DPY19L2: variants seen among roughly 807,000 people sequenced by gnomAD.
DPY19L2 encodes the protein probable C-mannosyltransferase DPY19L2.
DPY19L2 carries 34 observed loss-of-function variants against 97.9 expected under a neutral mutation model. The ratio of observed to expected loss-of-function variants is 0.35; its 90% CI spans 0.26 to 0.46. DPY19L2 has a LOEUF of 0.46. DPY19L2 is among the 20% of genes least tolerant of loss of function. The pLI is 1.00. For synonymous variants in DPY19L2, 230 were observed against 307.9 expected (o/e 0.75, Z 2.65); for missense variants, 623 against 911.4 (o/e 0.68, Z 4.07).
chr12:63,655,549 G>T (rs1269739444), intron 4 of DPY19L2, among the ~76,000 whole-genome samples: 1 of 152,112 alleles, frequency 6.6e-6, no homozygotes, highest in African/African-American at 2.4e-5. Context: ...GTGAAAGGGG[G>T]ACAGGAGGTT....
At chr12:63,624,235 G>C (rs560155512) in intron 7 of DPY19L2, 104 bp from the exon 8 acceptor site, 1 of 800,826 alleles carries the variant, frequency 1.2e-6, no homozygotes, top group East Asian at 2.7e-5. Context: ...AGGCTCACTA[G>C]ATCCCATTTC....
chr12:63,640,419 G>A (rs1388243512), intron 6 of DPY19L2, among the ~76,000 whole-genome samples: 3 of 152,158 alleles, frequency 2.0e-5, no homozygotes, highest in Non-Finnish European at 4.4e-5. Context: ...TTGATTGGAA[G>A]AAGGGGAAAG....
rs760662810 is a variant in DPY19L2, at chr12:63,663,784, G to A, written c.424C>T (p.Arg142Trp). 2.5e-6 allele frequency: 4 copies of A among 1,603,702 alleles called. No homozygotes were observed. In the Admixed American group the frequency reaches 5.2e-5, roughly 21 times the overall value. ...ATTTCAGTGCGAAAAGTCATCTCCC[G>A]TTCCAAAGATGAGAGGTGAGAGAAA... The part of the protein sequence containing the change: ...RHFSHLSSLE[R>W]EMTFRTEMGL... The change falls in exon 3 of 22, where the codon CGG (arginine) becomes TGG (tryptophan). Residue 142 changes from arginine (R) to tryptophan (W), a missense_variant. Transcript: ENST00000324472.
At chr12:63,634,643 A>C (rs369331822) in intron 6 of DPY19L2, among the ~76,000 whole-genome samples, 89 of 151,934 alleles carry the variant, frequency 5.9e-4, no homozygotes, top group East Asian at 1.4e-3. Context: ...CATCCCGCAC[A>C]TGGCTCAGAA....
chr12:63,654,037 A>T (rs1478559757), intron 4 of DPY19L2, among the ~76,000 whole-genome samples: 2 of 152,088 alleles, frequency 1.3e-5, no homozygotes, highest in African/African-American at 4.8e-5. Context: ...AAATGCAGCC[A>T]GCAGAACTTT....
intron 6 of DPY19L2, among the ~76,000 whole-genome samples, chr12:63,633,545 A>T (rs1891096723): frequency 6.6e-6 from 1 of 152,196 alleles, no homozygotes; most frequent in East Asian, 1.9e-4. Flanking sequence ...AATGGCGATC[A>T]TTAAAAAGTC....
chr12:63,656,879 T>C (rs1297613266), intron 4 of DPY19L2, among the ~76,000 whole-genome samples: 1 of 143,482 alleles, frequency 7.0e-6, no homozygotes, highest in African/African-American at 2.6e-5. Flanking sequence ...CTTTGATTCT[T>C]ATAGTGTCCA....
At chr12:63,651,549 T>TAAA in intron 4 of DPY19L2, 2 of 190,182 alleles carry the variant, frequency 1.1e-5, no homozygotes, top group South Asian at 1.0e-4. Context: ...AAATCGAAAG[T>TAAA]AAAAAAAAAC....
intron 4 of DPY19L2, among the ~76,000 whole-genome samples, chr12:63,649,444 G>A: frequency 6.6e-6 from 1 of 151,848 alleles, no homozygotes; most frequent in Non-Finnish European, 1.5e-5. Context: ...GACTAATAAA[G>A]AAAAAGAGAG....
intron 21 of DPY19L2, among the ~76,000 whole-genome samples, chr12:63,562,936 T>C (rs999092948): frequency 1.3e-5 from 2 of 151,918 alleles, no homozygotes; most frequent in Non-Finnish European, 2.9e-5. Context: ...GCTGGGATTA[T>C]ATGCGCCCAC....
chr12:63,658,149 A>T (rs1312680720), intron 4 of DPY19L2, among the ~76,000 whole-genome samples: 1 of 152,096 alleles, frequency 6.6e-6, no homozygotes, highest in Non-Finnish European at 1.5e-5. Flanking sequence ...AAGAATTAAG[A>T]GTTCTTTATA....
chr12:63,667,965 C>G (rs11175110), intron 1 of DPY19L2, 92 bp downstream of exon 1: 772,088 of 1,444,586 alleles, frequency 0.53, 210,873 homozygotes, highest in East Asian at 0.89. Flanking sequence ...TACTAGGCAC[C>G]CACAAACCCT....
At chr12:63,633,035 C>T (rs1422075784) in intron 6 of DPY19L2, among the ~76,000 whole-genome samples, 6 of 152,114 alleles carry the variant, frequency 3.9e-5, no homozygotes, top group Non-Finnish European at 7.4e-5. Context: ...ACACTGGATC[C>T]CTTCCTTACA....
chr12:63,562,654 C>T (rs971469540), intron 21 of DPY19L2, among the ~76,000 whole-genome samples: 1 of 152,090 alleles, frequency 6.6e-6, no homozygotes, highest in African/African-American at 2.4e-5. Flanking sequence ...ATAGTGTCAG[C>T]AACACTTGGC....
intron 1 of DPY19L2, among the ~76,000 whole-genome samples, chr12:63,667,833 A>C (rs1341488443): frequency 1.3e-5 from 2 of 152,096 alleles, no homozygotes; most frequent in East Asian, 3.9e-4. Flanking sequence ...CCTAGACCTT[A>C]AAACACTCTC....
chr12:63,659,303 G>A (rs1365540915), intron 4 of DPY19L2, among the ~76,000 whole-genome samples: 1 of 151,972 alleles, frequency 6.6e-6, no homozygotes, highest in African/African-American at 2.4e-5. Flanking sequence ...AAAGAGTACT[G>A]GGGAAGACTG....
At chr12:63,632,467 T>A (rs1439576013) in intron 6 of DPY19L2, among the ~76,000 whole-genome samples, 1 of 152,120 alleles carries the variant, frequency 6.6e-6, no homozygotes, top group African/African-American at 2.4e-5. Context: ...CATTCACAAT[T>A]GCTTCAAAGA....
intron 21 of DPY19L2, among the ~76,000 whole-genome samples, chr12:63,563,332 GA>G (rs1322437276): frequency 6.6e-6 from 1 of 152,076 alleles, no homozygotes; most frequent in Non-Finnish European, 1.5e-5. Flanking sequence ...CTGTATCTGA[GA>G]AATCTTAGCC....
At chr12:63,595,818 A>G (rs1884124967) in intron 15 of DPY19L2, 148 bp downstream of exon 15, 2 of 672,880 alleles carry the variant, frequency 3.0e-6, no homozygotes, top group Non-Finnish European at 4.9e-6. Flanking sequence ...TTTTTATAAA[A>G]AGATCGATGA....
Sources: gnomAD v4.1 joint callset for allele counts (sites outside exome capture counted in the v4.1 genomes callset) on GRCh38, gnomAD v4.1.1 for gene constraint, MANE v1.5 for transcripts, NCBI Gene and HGNC (gene_info 2026-07-23, HGNC 2026-07-21) for gene names.